The following PCDHGB4 variants were observed in gnomAD, a reference collection of about 807,000 sequenced individuals.
PCDHGB4 encodes the protein protocadherin gamma subfamily B, 4.
In PCDHGB4, 38 loss-of-function variants were observed where a neutral mutation model predicts 60.5. The observed-to-expected ratio is 0.63, with a 90% CI of 0.48 to 0.82. The LOEUF (loss-of-function observed/expected upper bound fraction) is 0.82. PCDHGB4 is among the 40% of genes least tolerant of loss of function. The pLI is 0.00. For missense variants in PCDHGB4, 1,109 were observed against 1,209.6 expected (o/e 0.92, Z 1.23); for synonymous variants, 456 against 509.7 (o/e 0.89, Z 1.42).
At chr5:141,418,829 C>T in intron 1 of PCDHGB4, 1 of 1,613,856 alleles carries the variant, frequency 6.2e-7, no homozygotes, top group Non-Finnish European at 8.5e-7. Flanking sequence ...AGCAAAAGAC[C>T]GAGGATCTCT....
chr5:141,478,767 C>T (rs953695562), intron 1 of PCDHGB4: 44 of 1,500,650 alleles, frequency 2.9e-5, no homozygotes, highest in Non-Finnish European at 3.9e-5. Context: ...ATACTTGACT[C>T]ATCTGTGGAC....
At position 141,408,901 on chromosome 5, in the gene PCDHGB4, G is replaced by A. The variant is rs529239605; in HGVS notation, c.2397+18620G>A. On this transcript the variant is annotated intron_variant, in intron 1 of 3. Transcript: ENST00000519479. ...CCGCTCACATAGAAATTTCTGTCAA[G>A]GATACCAATGATAACCCCCCGGTTT... 269 of 1,613,216 alleles carry A rather than the reference G, an allele frequency of 1.7e-4. 6 individuals carry two copies. The South Asian group carries it at 2.8e-3, about 17-fold the overall frequency.
intron 3 of PCDHGB4, among the ~76,000 whole-genome samples, chr5:141,509,277 T>TC (rs566266970): frequency 0.011 from 1,653 of 152,240 alleles, 22 homozygotes; most frequent in Non-Finnish European, 0.018. Context: ...CGCTACCCGC[T>TC]CCCAGGGTCC....
Position 141,483,648 on chromosome 5 carries a change from T to TTGTG in PCDHGB4, c.2398-11141_2398-11138dup, listed in dbSNP as rs111458813. ...GGAGAAGGTATAGAGGGGTGTGTGTTTGTGTGTGTGTGTGTGTGTGTAAAA... is the reference window on the plus strand; with the variant it reads ...GGAGAAGGTATAGAGGGGTGTGTGTTTGTGTGTGTGTGTGTGTGTGTGTGTAAAA... On this transcript the variant is annotated intron_variant, in intron 1 of 3. Coordinates refer to ENST00000519479, the MANE Select transcript of PCDHGB4 (RefSeq NM_003736.4). Among the ~76,000 whole-genome samples, 501 of 149,686 alleles carry TTGTG rather than the reference T, an allele frequency of 3.3e-3. 2 individuals are homozygous for TTGTG. Among genetic ancestry groups the TTGTG allele is most frequent in the African/African-American group, 7.3e-3 (297 of 40,842 alleles).
In PCDHGB4 at chr5:141,502,866, C is replaced by CT. The variant is rs549047197; in HGVS notation, c.2457-2513dup. ...GAGCTGCCTAACCCTGACTCTCTGT[C>CT]TTTTTTTTTTTTTTGACAGGGAGTC... On this transcript the variant is annotated intron_variant, in intron 2 of 3. Transcript: ENST00000519479. Among the ~76,000 whole-genome samples, 1,216 of 127,988 alleles carry CT rather than the reference C, an allele frequency of 9.5e-3. 34 individuals are homozygous for CT. Among genetic ancestry groups the CT allele is most frequent in the Non-Finnish European group, 0.015 (955 of 62,394 alleles). The allele number at this position is 127,988 out of a possible 152,430, so 84.0% of individuals were successfully genotyped here.
At position 141,476,172 on chromosome 5, in the gene PCDHGB4, T is replaced by C; in HGVS notation, c.2398-18635T>C. 6.2e-7 allele frequency: 1 copy of C among 1,612,930 alleles called. No individual in the cohort carries two copies. The highest frequency in any genetic ancestry group is 1.1e-5 in the South Asian group (1 of 91,026). On this transcript the variant is annotated intron_variant, in intron 1 of 3. Coordinates refer to ENST00000519479, the MANE Select transcript of PCDHGB4 (RefSeq NM_003736.4). This position sits in a 1 kb window ranked among gnomAD's most constrained non-coding sequence, Gnocchi z 7.6. ...GTAAGCACCGGGAGGGTAGTGGGAG[T>C]TTTGCTTCTGCTTGGTGCCTTGAAC...
In PCDHGB4 at chr5:141,408,231, G is replaced by A. The variant is rs775180708; in HGVS notation, c.2397+17950G>A. On this transcript the variant is annotated intron_variant, in intron 1 of 3. Coordinates refer to ENST00000519479, the MANE Select transcript of PCDHGB4 (RefSeq NM_003736.4). ...GGAGGGAGCTGCGCGCAGAGGCGCC[G>A]GGCCGGCCCGCGGCAGGTGCTATTT... 5 of 1,567,976 alleles carry A rather than the reference G, an allele frequency of 3.2e-6. No individual in the cohort carries two copies. In the African/African-American group the frequency reaches 5.4e-5, roughly 17 times the overall value.
intron 1 of PCDHGB4, among the ~76,000 whole-genome samples, chr5:141,426,040 G>C (rs1032424646): frequency 2.0e-5 from 3 of 152,212 alleles, no homozygotes; most frequent in African/African-American, 7.2e-5. Flanking sequence ...GAGCCCTGCT[G>C]TTGGCCAATG....
intron 1 of PCDHGB4, among the ~76,000 whole-genome samples, chr5:141,397,616 T>G (rs918214976): frequency 2.0e-5 from 3 of 152,194 alleles, no homozygotes; most frequent in Non-Finnish European, 4.4e-5. Context: ...AGGGCAATAC[T>G]TAGTTCTAGC....
At position 141,490,753 on chromosome 5, in the gene PCDHGB4, T is replaced by C; in HGVS notation, c.2398-4054T>C. ...TCAGGTTCAGGGAGCCCCAGCCTCC[T>C]CCTTTGTGTATGTCAACCCAGAGGA... On this transcript the variant is annotated intron_variant, in intron 1 of 3. Transcript: ENST00000519479. This position sits in a 1 kb window ranked among gnomAD's most constrained non-coding sequence, Gnocchi z 5.4. 1 of 1,614,184 alleles carries C rather than the reference T, an allele frequency of 6.2e-7. No individual in the cohort carries two copies. The highest frequency in any genetic ancestry group is 8.5e-7 in the Non-Finnish European group (1 of 1,180,024).
intron 1 of PCDHGB4, chr5:141,400,190 T>C: frequency 1.2e-6 from 2 of 1,614,016 alleles, no homozygotes; most frequent in Non-Finnish European, 1.7e-6. Context: ...CAGTTTTACC[T>C]AGTGGTGGCC....
chr5:141,422,850 G>C (rs184432819), intron 1 of PCDHGB4: 30 of 1,614,086 alleles, frequency 1.9e-5, no homozygotes, highest in Middle Eastern at 1.6e-4. Flanking sequence ...GCGGGGACCC[G>C]CCCCTCAGCA....
intron 1 of PCDHGB4, among the ~76,000 whole-genome samples, chr5:141,479,060 T>G (rs980468382): frequency 5.9e-5 from 9 of 152,248 alleles, no homozygotes; most frequent in Non-Finnish European, 1.3e-4. Context: ...CAGATAATTT[T>G]TTATGAATGA....
chr5:141,430,933 G>C (rs2097327058), intron 1 of PCDHGB4: 1 of 1,607,608 alleles, frequency 6.2e-7, no homozygotes, highest in East Asian at 2.2e-5. Flanking sequence ...AGCCCCGGGA[G>C]CTCGCGGAGC....
In PCDHGB4 at chr5:141,405,069, C is replaced by T. The variant is rs200974828; in HGVS notation, c.2397+14788C>T. On this transcript the variant is annotated intron_variant, in intron 1 of 3. Coordinates refer to ENST00000519479, the MANE Select transcript of PCDHGB4 (RefSeq NM_003736.4). ...GCAGTCGTCTCCTGTGTCTTCCTCA[C>T]CTTCGTTATCACGCTGCTGGCCCTC... is the stretch of plus-strand genomic sequence containing the variant. 1.3e-4 allele frequency: 215 copies of T among 1,613,758 alleles called. No individual in the cohort carries two copies. The highest frequency in any genetic ancestry group is 1.7e-4 in the Non-Finnish European group (203 of 1,179,762).
Position 141,503,010 on chromosome 5 carries a change from AT to A in PCDHGB4, c.2457-2371del, listed in dbSNP as rs199924715. ...AGGCGTGTGCCACCATGCCCGGTTA[AT>A]TTTTTTTTTTTAATATCTATTTTAG... On this transcript the variant is annotated intron_variant, in intron 2 of 3. Coordinates refer to ENST00000519479, the MANE Select transcript of PCDHGB4 (RefSeq NM_003736.4). Among the ~76,000 whole-genome samples the A allele has an allele frequency of 6.8e-3, 997 of 146,562 alleles. 9 individuals are homozygous for A. The highest frequency in any genetic ancestry group is 0.023 in the African/African-American group (916 of 39,838).
chr5:141,434,948 T>C (rs1486185815), intron 1 of PCDHGB4, among the ~76,000 whole-genome samples: 1 of 151,828 alleles, frequency 6.6e-6, no homozygotes, highest in East Asian at 1.9e-4. Flanking sequence ...ATATAATTTA[T>C]TAACAATTTA....
intron 1 of PCDHGB4, chr5:141,404,901 G>A: frequency 6.2e-7 from 1 of 1,613,848 alleles, no homozygotes; most frequent in African/African-American, 1.3e-5. Flanking sequence ...CAGGACCATG[G>A]CCAGCCCCCT....
intron 1 of PCDHGB4, among the ~76,000 whole-genome samples, chr5:141,401,851 T>C (rs902809229): frequency 3.9e-5 from 6 of 152,242 alleles, no homozygotes; most frequent in African/African-American, 1.4e-4. Context: ...CACTTACTTT[T>C]AACCTTTCAG....
Sources: allele counts gnomAD v4.1 joint callset (sites outside exome capture counted in the v4.1 genomes callset), GRCh38; gene constraint gnomAD v4.1.1; non-coding constraint Gnocchi (gnomAD v3.1); transcripts MANE v1.5; gene names NCBI Gene and HGNC (gene_info 2026-07-23, HGNC 2026-07-21).